RBFOX1: variants seen among roughly 807,000 people sequenced by gnomAD.
RBFOX1 encodes the protein RNA binding protein fox-1 homolog 1.
In RBFOX1, 8 loss-of-function variants were observed where a neutral mutation model predicts 57.7. The ratio of observed to expected loss-of-function variants is 0.14; its 90% CI spans 0.08 to 0.25. The LOEUF (loss-of-function observed/expected upper bound fraction) is 0.25. Ranked by LOEUF, RBFOX1 falls within the 10% of genes least tolerant of loss-of-function variation. The probability of loss-of-function intolerance (pLI) is 1.00; values close to 1 mark genes in which losing one functional copy is unlikely to be tolerated. For missense variants in RBFOX1, 611 were observed against 548.5 expected, an observed-to-expected ratio of 1.11 and a Z score of -1.14; for synonymous variants, 326 against 222.4, an observed-to-expected ratio of 1.47 and a Z score of -4.15.
Position 6,019,195 on chromosome 16 carries a change from C to T in RBFOX1, c.-924C>T. 1.0e-6 allele frequency: 1 copy of T among 985,362 alleles called. No individual in the cohort carries two copies. The highest frequency in any genetic ancestry group is 1.7e-5 in the African/African-American group (1 of 57,332). The allele number at this position is 985,362 out of a possible 1,614,324, so 61.0% of individuals were successfully genotyped here. A position where few individuals can be genotyped will look rare whatever the true frequency, so the allele number is the denominator to read the frequency against. On this transcript the variant is annotated 5_prime_UTR_variant, in exon 1 of 16. Transcript: ENST00000550418. This position sits in a 1 kb window ranked among gnomAD's most constrained non-coding sequence, Gnocchi z 4.2. ...CTGGAAGATTTCCTCTTTATTCTCT[C>T]CCGCCCTCCTACAAGCGCTCTTGCT...
At chr16:6,747,412 G>T (rs13332452) in intron 3 of RBFOX1, among the ~76,000 whole-genome samples, 1 of 148,456 alleles carries the variant, frequency 6.7e-6, no homozygotes. Flanking sequence ...GTCTCAAAAA[G>T]AAAAAAAAAA....
intron 3 of RBFOX1, among the ~76,000 whole-genome samples, chr16:6,748,680 G>C (rs892509268): frequency 6.6e-6 from 1 of 152,066 alleles, no homozygotes; most frequent in South Asian, 2.1e-4. Flanking sequence ...CTAATTATTT[G>C]GAGTATATAG....
intron 3 of RBFOX1, among the ~76,000 whole-genome samples, chr16:5,699,954 T>A (rs955062237): frequency 1.3e-5 from 2 of 152,180 alleles, no homozygotes; most frequent in African/African-American, 4.8e-5. Flanking sequence ...CTGCTCAGCC[T>A]CCTGAGTAGC....
chr16:5,686,137 A>G (rs1230798959), intron 3 of RBFOX1, among the ~76,000 whole-genome samples: 4 of 152,320 alleles, frequency 2.6e-5, no homozygotes, highest in African/African-American at 9.6e-5. Flanking sequence ...GTTGGATGTT[A>G]CTTGTGTGAA....
chr16:6,103,362 T>C (rs1464267992), intron 1 of RBFOX1, among the ~76,000 whole-genome samples: 3 of 152,138 alleles, frequency 2.0e-5, no homozygotes, highest in Non-Finnish European at 4.4e-5. Context: ...AAAGTTAAAT[T>C]AGATGACATA....
At chr16:6,787,306 C>T (rs1399178767) in intron 3 of RBFOX1, among the ~76,000 whole-genome samples, 1 of 152,176 alleles carries the variant, frequency 6.6e-6, no homozygotes, top group Non-Finnish European at 1.5e-5. Flanking sequence ...CAGGTTGGTC[C>T]TGCCATGTTC....
intron 3 of RBFOX1, among the ~76,000 whole-genome samples, chr16:6,852,074 T>C (rs1264393755): frequency 6.6e-6 from 1 of 151,994 alleles, no homozygotes; most frequent in Non-Finnish European, 1.5e-5. Context: ...TACAGGCACC[T>C]GCCACCACGT....
chr16:7,150,023 A>T (rs763935176), intron 4 of RBFOX1, among the ~76,000 whole-genome samples: 2 of 152,118 alleles, frequency 1.3e-5, no homozygotes, highest in African/African-American at 4.8e-5. Flanking sequence ...TTCTGACTCA[A>T]CAGAGATTAC....
intron 3 of RBFOX1, among the ~76,000 whole-genome samples, chr16:6,761,833 C>A (rs901390904): frequency 6.6e-6 from 1 of 151,936 alleles, no homozygotes; most frequent in African/African-American, 2.4e-5. Flanking sequence ...ACTACGCCAT[C>A]CAGACTCCAG....
intron 1 of RBFOX1, among the ~76,000 whole-genome samples, chr16:6,142,438 G>C (rs192207950): frequency 5.9e-5 from 9 of 151,970 alleles, no homozygotes; most frequent in South Asian, 4.2e-4. Context: ...AGCCAGGATG[G>C]TCTCGATCTC....
At chr16:6,210,156 A>C (rs2097283745) in intron 1 of RBFOX1, among the ~76,000 whole-genome samples, 1 of 151,622 alleles carries the variant, frequency 6.6e-6, no homozygotes, top group African/African-American at 2.4e-5. Flanking sequence ...CATCTCTACC[A>C]AAAATACAAA....
At chr16:5,343,797 G>T (rs2065084505) in intron 1 of RBFOX1, among the ~76,000 whole-genome samples, 3 of 152,154 alleles carry the variant, frequency 2.0e-5, no homozygotes, top group African/African-American at 4.8e-5. Context: ...AGGCAAAAGG[G>T]TTATTTGATA....
chr16:5,289,246 C>A, intron 1 of RBFOX1: 1 of 376,052 alleles, frequency 2.7e-6, no homozygotes, highest in South Asian at 3.4e-5. Flanking sequence ...CATCATGAGA[C>A]GGGCAGGAGG....
chr16:5,805,504 G>T lies in RBFOX1; in HGVS notation c.319-61799G>T, dbSNP rs9930593. Among the ~76,000 whole-genome samples the T allele has an allele frequency of 7.1e-3, 1,086 of 152,298 alleles. 13 individuals carry two copies. Among genetic ancestry groups the T allele is most frequent in the African/African-American group, 0.024 (1,015 of 41,560 alleles). ...AGATCCAAAATGTAAGCTTCTATGT[G>T]GGTTGGTGGCCCTGCCAGAAACAGA... On this transcript the variant is annotated intron_variant, in intron 3 of 19. Coordinates refer to the RBFOX1 transcript ENST00000641259.
At chr16:7,505,217 G>T (rs556560611) in intron 4 of RBFOX1, among the ~76,000 whole-genome samples, 1 of 146,300 alleles carries the variant, frequency 6.8e-6, no homozygotes, top group African/African-American at 2.6e-5. Flanking sequence ...CACTCTTTGA[G>T]ATGATTGAGG....
intron 3 of RBFOX1, among the ~76,000 whole-genome samples, chr16:6,678,913 G>A (rs1206003323): frequency 6.6e-6 from 1 of 152,120 alleles, no homozygotes; most frequent in East Asian, 1.9e-4. Flanking sequence ...CTTACATGAA[G>A]CCATTTGGGG....
chr16:6,082,100 G>C (rs1229142150), intron 1 of RBFOX1, among the ~76,000 whole-genome samples: 1 of 151,408 alleles, frequency 6.6e-6, no homozygotes, highest in East Asian at 1.9e-4. Context: ...GGTGGTACCT[G>C]ATTCAGAGGT....
At chr16:5,710,590 C>T (rs182947600) in intron 3 of RBFOX1, among the ~76,000 whole-genome samples, 9 of 152,288 alleles carry the variant, frequency 5.9e-5, no homozygotes, top group East Asian at 5.8e-4. Context: ...TTAAGGCTCA[C>T]GTCCTGTGAT....
At chr16:7,660,900 C>T (rs1246865845) in intron 12 of RBFOX1, among the ~76,000 whole-genome samples, 2 of 152,180 alleles carry the variant, frequency 1.3e-5, no homozygotes, top group African/African-American at 4.8e-5. Flanking sequence ...ACCCCCTGGG[C>T]TCAAATCCCA....
Sources: gnomAD v4.1 joint callset for allele counts (sites outside exome capture counted in the v4.1 genomes callset) on GRCh38, gnomAD v4.1.1 for gene constraint, Gnocchi (gnomAD v3.1) non-coding constraint, MANE v1.5 for transcripts, NCBI Gene and HGNC (gene_info 2026-07-23, HGNC 2026-07-21) for gene names.